Variants in PRKCA observed in about 807,000 individuals in gnomAD.
PRKCA encodes the protein protein kinase C alpha type.
PRKCA carries 27 observed loss-of-function variants against 87.0 expected under a neutral mutation model. That is an observed-to-expected ratio of 0.31 (90% CI 0.23 to 0.43). The LOEUF (loss-of-function observed/expected upper bound fraction) is 0.43, where lower values mean the gene tolerates loss of function less well. PRKCA is among the 20% of genes least tolerant of loss of function. The pLI is 1.00. For missense variants in PRKCA, 518 were observed against 852.3 expected (o/e 0.61, Z 4.88); for synonymous variants, 329 against 311.1 (o/e 1.06, Z -0.61).
chr17:66,312,529 C>A (rs889841353), intron 2 of PRKCA, among the ~76,000 whole-genome samples: 43 of 152,254 alleles, frequency 2.8e-4, no homozygotes, highest in African/African-American at 9.4e-4. Context: ...CTGACCTCTT[C>A]AGACTTACCT....
intron 13 of PRKCA, among the ~76,000 whole-genome samples, chr17:66,762,843 G>A (rs1305809395): frequency 6.6e-6 from 1 of 152,110 alleles, no homozygotes; most frequent in African/African-American, 2.4e-5. Context: ...TACCCAGGCC[G>A]GAGTGCAGTG....
intron 2 of PRKCA, among the ~76,000 whole-genome samples, chr17:66,487,850 T>C (rs372336864): frequency 1.3e-5 from 2 of 152,188 alleles, no homozygotes; most frequent in East Asian, 3.8e-4. Flanking sequence ...TTTGCCCATT[T>C]TAAAATTGTT....
At chr17:66,612,381 CAAAAAAAAAA>C (rs1200272317) in intron 3 of PRKCA, among the ~76,000 whole-genome samples, 10 of 87,858 alleles carry the variant, frequency 1.1e-4, no homozygotes, top group African/African-American at 3.7e-4. Flanking sequence ...AAATCTGTCT[CAAAAAAAAAA>C]AAAAAAAAAA....
intron 8 of PRKCA, among the ~76,000 whole-genome samples, chr17:66,711,404 A>G (rs1414490486): frequency 2.0e-5 from 3 of 152,042 alleles, no homozygotes; most frequent in Admixed American, 2.0e-4. Flanking sequence ...TCTCACTCTT[A>G]TTTCATTTTT....
intron 2 of PRKCA, among the ~76,000 whole-genome samples, chr17:66,432,777 T>C (rs1913165558): frequency 6.6e-6 from 1 of 152,142 alleles, no homozygotes; most frequent in African/African-American, 2.4e-5. Flanking sequence ...AGGTCAGATT[T>C]TGTTTCTAAG....
At chr17:66,557,005 T>G (rs535318066) in intron 3 of PRKCA, among the ~76,000 whole-genome samples, 4 of 152,230 alleles carry the variant, frequency 2.6e-5, no homozygotes, top group South Asian at 4.2e-4. Context: ...TGCCAGCAGT[T>G]TGGAGCTGTT....
intron 3 of PRKCA, among the ~76,000 whole-genome samples, chr17:66,500,977 A>G (rs1567861290): frequency 6.6e-6 from 1 of 151,330 alleles, no homozygotes; most frequent in Non-Finnish European, 1.5e-5. Context: ...TTTTCGTACC[A>G]TGGAGAATGG....
At chr17:66,443,809 T>A (rs886705069) in intron 2 of PRKCA, among the ~76,000 whole-genome samples, 8 of 152,092 alleles carry the variant, frequency 5.3e-5, no homozygotes, top group Non-Finnish European at 1.2e-4. Flanking sequence ...TGAAAAAGAA[T>A]GTTCTCTGCT....
chr17:66,643,615 A>C (rs753912902), intron 4 of PRKCA, among the ~76,000 whole-genome samples: 1 of 152,150 alleles, frequency 6.6e-6, no homozygotes, highest in African/African-American at 2.4e-5. Flanking sequence ...ACCTGGACCA[A>C]TGCTTTTTTG....
intron 14 of PRKCA, among the ~76,000 whole-genome samples, chr17:66,785,908 A>G (rs1975373008): frequency 6.6e-6 from 1 of 152,206 alleles, no homozygotes; most frequent in South Asian, 2.1e-4. Flanking sequence ...AGCTCACTGC[A>G]AGCCCCGCCT....
chr17:66,560,400 C>G (rs1040469618), intron 3 of PRKCA, among the ~76,000 whole-genome samples: 2 of 152,150 alleles, frequency 1.3e-5, no homozygotes, highest in Non-Finnish European at 2.9e-5. Context: ...TATTGCTGGT[C>G]AGGAAAGCAC....
chr17:66,689,331 G>A lies in PRKCA; in HGVS notation c.918+284G>A, dbSNP rs1972717510. On this transcript the variant is annotated intron_variant, in intron 8 of 16. Transcript: ENST00000413366. This position sits in a 1 kb window ranked among gnomAD's most constrained non-coding sequence, Gnocchi z 4.1. ...AGATCTGTTTGCACATCACTGGGGA[G>A]AGAAGCAGGCTCTGAGGGCAGGATT... 6.6e-6 allele frequency among the ~76,000 whole-genome samples: 1 copy of A among 152,204 alleles called. No homozygotes were observed. The highest frequency in any genetic ancestry group is 2.4e-5 in the African/African-American group (1 of 41,442).
At chr17:66,675,107 C>T (rs1972292115) in intron 5 of PRKCA, among the ~76,000 whole-genome samples, 1 of 152,216 alleles carries the variant, frequency 6.6e-6, no homozygotes. Context: ...ATCTTTTTAA[C>T]TGGGTGGCTC....
chr17:66,687,052 C>A, intron 5 of PRKCA, 59 bp from the exon 6 acceptor site: 1 of 1,427,012 alleles, frequency 7.0e-7, no homozygotes, highest in Non-Finnish European at 9.6e-7. Flanking sequence ...TGACACAAGA[C>A]AGCGGGCAAT....
At chr17:66,542,207 A>G (rs1003823116) in intron 3 of PRKCA, among the ~76,000 whole-genome samples, 3 of 152,204 alleles carry the variant, frequency 2.0e-5, no homozygotes, top group African/African-American at 7.2e-5. Flanking sequence ...TCTGTATTAG[A>G]TGGTGATTAA....
chr17:66,332,394 A>G (rs990751949), intron 2 of PRKCA, among the ~76,000 whole-genome samples: 5 of 151,626 alleles, frequency 3.3e-5, no homozygotes, highest in African/African-American at 9.7e-5. Context: ...TGGCCAGCTA[A>G]TTTTTGTATT....
chr17:66,417,389 G>A (rs1353349419), intron 2 of PRKCA, among the ~76,000 whole-genome samples: 1 of 152,134 alleles, frequency 6.6e-6, no homozygotes, highest in Non-Finnish European at 1.5e-5. Context: ...CTAGCCAGGT[G>A]CAGCAGAGGA....
intron 2 of PRKCA, among the ~76,000 whole-genome samples, chr17:66,428,793 C>T (rs181195413): frequency 1.3e-5 from 2 of 152,164 alleles, no homozygotes; most frequent in Admixed American, 6.5e-5. Flanking sequence ...TGTGAGCCAC[C>T]GCGCCCAGCC....
chr17:66,614,408 A>G (rs1184662762), intron 3 of PRKCA, among the ~76,000 whole-genome samples: 2 of 152,208 alleles, frequency 1.3e-5, no homozygotes, highest in Non-Finnish European at 2.9e-5. Context: ...TGCATCAATT[A>G]TCTCCTTTAA....
Sources: gnomAD v4.1 joint callset for allele counts (sites outside exome capture counted in the v4.1 genomes callset) on GRCh38, gnomAD v4.1.1 for gene constraint, Gnocchi (gnomAD v3.1) non-coding constraint, MANE v1.5 for transcripts, NCBI Gene and HGNC (gene_info 2026-07-23, HGNC 2026-07-21) for gene names.